Variants in KCNQ5 observed in about 807,000 individuals in gnomAD.
KCNQ5 encodes the protein potassium voltage-gated channel subfamily Q member 5.
KCNQ5 carries 30 observed loss-of-function variants against 98.2 expected under a neutral mutation model. That is an observed-to-expected ratio of 0.31 (90% CI 0.23 to 0.41). The LOEUF is 0.41. Ranked by LOEUF, KCNQ5 falls within the 10% of genes least tolerant of loss-of-function variation. The probability of loss-of-function intolerance (pLI) is 1.00; values close to 1 mark genes in which losing one functional copy is unlikely to be tolerated. For missense variants in KCNQ5, 835 were observed against 1,182.5 expected, an observed-to-expected ratio of 0.71 and a Z score of 4.31; for synonymous variants, 458 against 449.4, an observed-to-expected ratio of 1.02 and a Z score of -0.24.
chr6:72,915,445 A>G (rs934108224), intron 1 of KCNQ5, among the ~76,000 whole-genome samples: 1 of 152,210 alleles, frequency 6.6e-6, no homozygotes, highest in Non-Finnish European at 1.5e-5. Flanking sequence ...TTAAAAAAAA[A>G]ATCACAACAA....
rs1486380739 is a variant in KCNQ5, at chr6:73,133,444, G to A, written c.1271G>A (p.Arg424Gln). The A allele has an allele frequency of 8.1e-6, 13 of 1,614,108 alleles. No homozygotes were observed. Among genetic ancestry groups the A allele is most frequent in the Admixed American group, 1.7e-5 (1 of 60,028 alleles). The change falls in exon 10 of 14, where the codon CGA becomes CAA. Residue 424 changes from arginine (R) to glutamine (Q), a missense_variant. This residue lies in a region of KCNQ5 where 146 missense variants were observed against 256.7 expected (regional missense o/e 0.57). Transcript: ENST00000370398. ...SSSQKLSFKE[R>Q]VRMASPRGQS... Reference sequence around the variant, plus strand: ...AGTCAGAAGCTAAGTTTTAAGGAGCGAGTGCGCATGGCTAGCCCCAGGGGC... The same window carrying A: ...AGTCAGAAGCTAAGTTTTAAGGAGCAAGTGCGCATGGCTAGCCCCAGGGGC...
chr6:73,008,600 T>G (rs975529985), intron 2 of KCNQ5, among the ~76,000 whole-genome samples: 1 of 151,990 alleles, frequency 6.6e-6, no homozygotes, highest in African/African-American at 2.4e-5. Flanking sequence ...TAACAGGTAA[T>G]AAAATACATG....
chr6:72,839,200 G>T (rs546312360), intron 1 of KCNQ5, among the ~76,000 whole-genome samples: 1 of 152,136 alleles, frequency 6.6e-6, no homozygotes, highest in South Asian at 2.1e-4. Context: ...AAATTATTTA[G>T]AAATACACTT....
intron 1 of KCNQ5, among the ~76,000 whole-genome samples, chr6:72,728,968 C>T (rs1770419254): frequency 6.6e-6 from 1 of 152,016 alleles, no homozygotes; most frequent in Non-Finnish European, 1.5e-5. Flanking sequence ...ATGTATTTCC[C>T]AATATATTTT....
At chr6:72,728,991 C>G (rs925160032) in intron 1 of KCNQ5, among the ~76,000 whole-genome samples, 3 of 151,990 alleles carry the variant, frequency 2.0e-5, no homozygotes, top group African/African-American at 7.2e-5. Flanking sequence ...TTTTTCTTAT[C>G]TTTTTTTACA....
At chr6:72,681,382 C>G (rs1054007926) in intron 1 of KCNQ5, among the ~76,000 whole-genome samples, 1 of 152,140 alleles carries the variant, frequency 6.6e-6, no homozygotes, top group Admixed American at 6.5e-5. Context: ...AGCATCACAA[C>G]CCTCCTGGAT....
At position 72,699,713 on chromosome 6, in the gene KCNQ5, G is replaced by A. The variant is rs77330089; in HGVS notation, c.398+77126G>A. Among the ~76,000 whole-genome samples, 1,432 of 152,162 alleles carry A rather than the reference G, an allele frequency of 9.4e-3. 13 individuals are homozygous for A. Among genetic ancestry groups the A allele is most frequent in the East Asian group, 0.02 (103 of 5,180 alleles). ...TTAACAACATAAATTTTTGTTCTTA[G>A]CCACTTAGTTTAGTTCATGTTGGGA... is the stretch of plus-strand genomic sequence containing the variant. On this transcript the variant is annotated intron_variant, in intron 1 of 13. Transcript: ENST00000370398.
intron 3 of KCNQ5, among the ~76,000 whole-genome samples, chr6:73,067,485 T>C (rs1241379553): frequency 6.6e-6 from 1 of 152,208 alleles, no homozygotes; most frequent in Non-Finnish European, 1.5e-5. Flanking sequence ...ATCTATTCCC[T>C]ATTTGCAGGT....
intron 1 of KCNQ5, among the ~76,000 whole-genome samples, chr6:72,666,409 A>G (rs1312603667): frequency 2.0e-5 from 3 of 152,192 alleles, no homozygotes; most frequent in African/African-American, 4.8e-5. Context: ...CAATATCACT[A>G]TCGTAAAACT....
intron 1 of KCNQ5, among the ~76,000 whole-genome samples, chr6:72,907,014 G>A (rs1296906554): frequency 6.6e-6 from 1 of 152,152 alleles, no homozygotes; most frequent in Non-Finnish European, 1.5e-5. Context: ...TAAGAATCTT[G>A]TAGTCAATGA....
At chr6:73,084,525 A>G (rs1306219523) in intron 5 of KCNQ5, among the ~76,000 whole-genome samples, 1 of 152,180 alleles carries the variant, frequency 6.6e-6, no homozygotes, top group Non-Finnish European at 1.5e-5. Context: ...CATCTGCAAT[A>G]CAGAGATGAT....
At chr6:72,853,525 T>G (rs1271155854) in intron 1 of KCNQ5, among the ~76,000 whole-genome samples, 1 of 152,072 alleles carries the variant, frequency 6.6e-6, no homozygotes, top group Non-Finnish European at 1.5e-5. Context: ...TGTGTTGTTA[T>G]TAGAGACAGG....
chr6:72,937,270 G>GT (rs1765983740), intron 1 of KCNQ5, among the ~76,000 whole-genome samples: 1 of 152,062 alleles, frequency 6.6e-6, no homozygotes. Context: ...GTGATATTCT[G>GT]TAAGTCCTGG....
At chr6:72,891,271 C>T (rs1779046752) in intron 1 of KCNQ5, among the ~76,000 whole-genome samples, 2 of 152,252 alleles carry the variant, frequency 1.3e-5, no homozygotes, top group African/African-American at 4.8e-5. Flanking sequence ...TTGACAAAAT[C>T]TAACATGAAA....
intron 3 of KCNQ5, chr6:73,055,454 C>T (rs1226516381): frequency 5.8e-6 from 9 of 1,547,188 alleles, no homozygotes; most frequent in Non-Finnish European, 4.5e-6. Flanking sequence ...TGATGTCCCA[C>T]CACCTCCGAT....
At chr6:73,082,936 G>C (rs1346220809) in intron 5 of KCNQ5, among the ~76,000 whole-genome samples, 1 of 136,436 alleles carries the variant, frequency 7.3e-6, no homozygotes, top group Non-Finnish European at 1.5e-5. Context: ...TGTCACATAG[G>C]TTGCAGTGCA....
At position 72,649,076 on chromosome 6, in the gene KCNQ5, G is replaced by A. The variant is rs113041187; in HGVS notation, c.398+26489G>A. Among the ~76,000 whole-genome samples the A allele has an allele frequency of 1.7e-3, 264 of 152,272 alleles. 1 individual carries two copies. Among genetic ancestry groups the A allele is most frequent in the Non-Finnish European group, 3.2e-3 (215 of 68,008 alleles). On this transcript the variant is annotated intron_variant, in intron 1 of 13. Transcript: ENST00000370398. ...GTGACCAAACAAATGCACGAAGCCTGGAGATGGCTGTGTTTGAGCACAGGC... is the reference window on the plus strand; with the variant it reads ...GTGACCAAACAAATGCACGAAGCCTAGAGATGGCTGTGTTTGAGCACAGGC...
intron 1 of KCNQ5, among the ~76,000 whole-genome samples, chr6:72,852,687 AAAT>A (rs1777327470): frequency 8.3e-6 from 1 of 119,908 alleles, no homozygotes; most frequent in African/African-American, 3.1e-5. Flanking sequence ...TAAAGATGTT[AAAT>A]TTTATATGTA....
At chr6:73,008,540 G>A (rs190810505) in intron 2 of KCNQ5, among the ~76,000 whole-genome samples, 80 of 152,014 alleles carry the variant, frequency 5.3e-4, no homozygotes, top group African/African-American at 1.7e-3. Context: ...ATTAATAAAA[G>A]GTTTAATACA....
Sources: allele counts gnomAD v4.1 joint callset (sites outside exome capture counted in the v4.1 genomes callset), GRCh38; gene constraint gnomAD v4.1.1; regional missense constraint gnomAD v4.1.1; transcripts MANE v1.5; gene names NCBI Gene and HGNC (gene_info 2026-07-23, HGNC 2026-07-21).